The following PSMB9 variants were observed in gnomAD, a reference collection of about 807,000 sequenced individuals.
PSMB9 encodes the protein proteasome subunit beta type-9.
A neutral mutation model predicts 26.9 loss-of-function variants in PSMB9; 16 were observed. The observed-to-expected ratio is 0.59, with a 90% CI of 0.40 to 0.90. PSMB9 has a LOEUF of 0.90. Ranked by LOEUF, PSMB9 falls within the 40% of genes least tolerant of loss-of-function variation. The probability of loss-of-function intolerance (pLI) is 0.00; values close to 1 mark genes in which losing one functional copy is unlikely to be tolerated. For synonymous variants in PSMB9, 91 were observed against 112.0 expected, an observed-to-expected ratio of 0.81 and a Z score of 1.18; for missense variants, 253 against 292.2, an observed-to-expected ratio of 0.87 and a Z score of 0.98.
intron 5 of PSMB9, 138 bp from the exon 6 acceptor site, chr6:32,859,267 C>T: frequency 8.9e-7 from 1 of 1,117,810 alleles, no homozygotes; most frequent in Non-Finnish European, 1.2e-6. Context: ...TTTACCAGCA[C>T]ACCACTAAAT....
chr6:32,856,483 G>T, intron 2 of PSMB9: 2 of 376,978 alleles, frequency 5.3e-6, no homozygotes, highest in Non-Finnish European at 9.5e-6. Context: ...ATAGATTTTT[G>T]AGGGTCTTCT....
Position 32,858,319 on chromosome 6 carries a change from A to G in PSMB9, c.391-45A>G. On this transcript the variant is annotated intron_variant, in intron 4 of 5. Coordinates refer to ENST00000374859, the MANE Select transcript of PSMB9 (RefSeq NM_002800.5). The surrounding 1 kb of genome is among the most constrained non-coding windows in gnomAD (Gnocchi z 5.2). ...AGAGACCACTTAATGTCTCAGTGGG[A>G]AGGAAGGGCTTGATGATTCTTTAAC... The G allele has an allele frequency of 6.2e-7, 1 of 1,612,214 alleles. No homozygotes were observed. Among genetic ancestry groups the G allele is most frequent in the Non-Finnish European group, 8.5e-7 (1 of 1,179,596 alleles).
Position 32,856,192 on chromosome 6 carries a change from CGA to C in PSMB9, c.117_118del (p.Ser41CysfsTer11), listed in dbSNP as rs1771152326. 3.1e-6 allele frequency: 5 copies of C among 1,612,590 alleles called. No homozygotes were observed. Among genetic ancestry groups the C allele is most frequent in the Non-Finnish European group, 4.2e-6 (5 of 1,179,824 alleles). ...GGGCGTTGTGATGGGTTCTGATTCC[CGA>C]GTGTCTGCAGGGTGAGTAAAAGTGA... ...DGGVVMGSDS[R>X]VSAGEAVVNR... is the part of the protein sequence containing the mutation. On this transcript the variant is annotated frameshift_variant, in exon 2 of 6. Transcript: ENST00000374859. LOFTEE classifies it high-confidence loss of function.
chr6:32,857,490 G>A, intron 3 of PSMB9, 96 bp downstream of exon 3: 1 of 1,379,084 alleles, frequency 7.3e-7, no homozygotes, highest in Non-Finnish European at 9.5e-7. Context: ...CTGGACACTG[G>A]GAAATGGAAA....
At chr6:32,856,348 C>T (rs979759942) in intron 2 of PSMB9, 143 bp downstream of exon 2, 3 of 782,706 alleles carry the variant, frequency 3.8e-6, no homozygotes, top group Non-Finnish European at 6.2e-6. Context: ...CTATGATAAG[C>T]TATTTGGTGG....
chr6:32,856,909 C>T (rs1217677201), intron 2 of PSMB9: 1 of 168,970 alleles, frequency 5.9e-6, no homozygotes, highest in African/African-American at 2.4e-5. Flanking sequence ...CTCAAAAATT[C>T]CTGAGTTCTG....
intron 5 of PSMB9, 120 bp from the exon 6 acceptor site, chr6:32,859,285 C>T (rs934782875): frequency 1.9e-5 from 24 of 1,281,244 alleles, no homozygotes; most frequent in Non-Finnish European, 2.5e-5. Flanking sequence ...AATATGCCTT[C>T]CTGGAAGATG....
Position 32,855,024 on chromosome 6 carries a change from G to C in PSMB9, c.60+735G>C, listed in dbSNP as rs60316937. Among the ~76,000 whole-genome samples, 367 of 152,340 alleles carry C rather than the reference G, an allele frequency of 2.4e-3. 5 individuals are homozygous for C. Among genetic ancestry groups the C allele is most frequent in the South Asian group, 0.018 (86 of 4,824 alleles). On this transcript the variant is annotated intron_variant, in intron 1 of 5. Coordinates refer to ENST00000374859, the MANE Select transcript of PSMB9 (RefSeq NM_002800.5). ...GCTTGGGGGCGGCTTTGTTAGAGAG[G>C]AATAGCCTCTAACTTGAAGTTAACC...
chr6:32,859,313 G>A (rs901129833), intron 5 of PSMB9, 92 bp from the exon 6 acceptor site: 1 of 1,393,196 alleles, frequency 7.2e-7, no homozygotes, highest in Non-Finnish European at 9.6e-7. Context: ...AGGTGAAAGT[G>A]GTAGTAGGCA....
intron 2 of PSMB9, 64 bp from the exon 3 acceptor site, chr6:32,857,198 CA>C (rs9282318): frequency 0.15 from 152,591 of 1,041,628 alleles, 1,355 homozygotes; most frequent in African/African-American, 0.2. Flanking sequence ...GAGACTGTCT[CA>C]AAAAAAAAAA....
rs1464986316 is a variant in PSMB9 at position 32,858,882 on chromosome 6, A to T, written c.532+377A>T. On this transcript the variant is annotated intron_variant, in intron 5 of 5. Coordinates refer to ENST00000374859, the MANE Select transcript of PSMB9 (RefSeq NM_002800.5). This position sits in a 1 kb window ranked among gnomAD's most constrained non-coding sequence, Gnocchi z 5.2. ...AAACCCTGTCTCCACAAAAAACAAT[A>T]AAAAAAAGTAAAAAAAAAAATGAAC... 2.1e-5 allele frequency: 6 copies of T among 286,774 alleles called. No individual in the cohort carries two copies. The highest frequency in any genetic ancestry group is 5.4e-5 in the Admixed American group (1 of 18,492). 17.8% of individuals were successfully genotyped at this position (286,774 alleles called of 1,614,324 possible).
chr6:32,857,103 G>C (rs1304437390), intron 2 of PSMB9, 160 bp from the exon 3 acceptor site: 2 of 661,252 alleles, frequency 3.0e-6, no homozygotes, highest in Non-Finnish European at 4.6e-6. Context: ...GGGAGGCTGA[G>C]GCAGGAGAAT....
intron 1 of PSMB9, 24 bp from the exon 2 acceptor site, chr6:32,856,114 A>G (rs1393022106): frequency 1.2e-6 from 2 of 1,606,982 alleles, no homozygotes; most frequent in Non-Finnish European, 1.7e-6. Flanking sequence ...TTGCCCTGAC[A>G]TTCCATATTC....
At chr6:32,856,091 A>T (rs750115640) in intron 1 of PSMB9, 47 bp from the exon 2 acceptor site, 3 of 1,538,216 alleles carry the variant, frequency 2.0e-6, no homozygotes, top group Non-Finnish European at 2.7e-6. Context: ...ACATGAGGGC[A>T]TCAAGGCTGT....
At chr6:32,857,570 G>T in intron 3 of PSMB9, 176 bp downstream of exon 3, 1 of 765,526 alleles carries the variant, frequency 1.3e-6, no homozygotes, top group Non-Finnish European at 2.0e-6. Flanking sequence ...AGATAATATA[G>T]TACCTCATGA....
In PSMB9 at chr6:32,857,313, G is replaced by T. The variant is rs17587; in HGVS notation, c.179G>T (p.Arg60Leu). Residue 60 changes from arginine (R) to leucine (L), a missense_variant, in exon 3 of 6, where the codon CGC becomes CTC. Transcript: ENST00000374859. ...VFDKLSPLHE[R>L]IYCALSGSAA... The stretch of plus-strand genomic sequence containing the variant: ...GACAAGCTGTCCCCGCTGCACGAGC[G>T]CATCTACTGTGCACTCTCTGGTTCA... The T allele has an allele frequency of 4.3e-6, 7 of 1,611,692 alleles. No homozygotes were observed. Among genetic ancestry groups the T allele is most frequent in the Non-Finnish European group, 5.9e-6 (7 of 1,179,570 alleles).
rs367832713 is a variant in PSMB9 at position 32,857,386 on chromosome 6, G to A, written c.252G>A (p.Glu84=). Residue 84 remains glutamate, a synonymous_variant, in exon 3 of 6, where the codon GAG becomes GAA. Coordinates refer to ENST00000374859, the MANE Select transcript of PSMB9 (RefSeq NM_002800.5). Reference sequence around the variant, plus strand: ...CCGACATGGCCGCCTACCAGCTGGAGCTCCATGGGTATGAAGCTCTGGAGT... The same window carrying A: ...CCGACATGGCCGCCTACCAGCTGGAACTCCATGGGTATGAAGCTCTGGAGT... ...AVADMAAYQL[E]LHGIELEEPP... is the part of the protein sequence containing the mutation. The A allele has an allele frequency of 2.1e-5, 34 of 1,612,172 alleles. 2 individuals carry two copies. Among genetic ancestry groups the A allele is most frequent in the African/African-American group, 1.7e-4 (13 of 74,886 alleles).
At chr6:32,855,085 C>G (rs1225412852) in intron 1 of PSMB9, among the ~76,000 whole-genome samples, 12 of 152,136 alleles carry the variant, frequency 7.9e-5, no homozygotes, top group Admixed American at 7.9e-4. Context: ...TAAGTCGGTC[C>G]GTCGGAAAGC....
intron 3 of PSMB9, chr6:32,857,779 CA>C: frequency 1.7e-6 from 1 of 588,442 alleles, no homozygotes; most frequent in Non-Finnish European, 2.9e-6. Flanking sequence ...TCCTTGCAGC[CA>C]AAAGAAAGTT....
Sources: allele counts gnomAD v4.1 joint callset (sites outside exome capture counted in the v4.1 genomes callset), GRCh38; gene constraint gnomAD v4.1.1; non-coding constraint Gnocchi (gnomAD v3.1); transcripts MANE v1.5; gene names NCBI Gene and HGNC (gene_info 2026-07-23, HGNC 2026-07-21).